The following HPSE variants were observed in gnomAD, a reference collection of about 807,000 sequenced individuals.
HPSE encodes the protein endo-glucoronidase.
In HPSE, 48 loss-of-function variants were observed where a neutral mutation model predicts 65.1. That is an observed-to-expected ratio of 0.74 (90% CI 0.58 to 0.94). The LOEUF (loss-of-function observed/expected upper bound fraction) is 0.94, where lower values mean the gene tolerates loss of function less well. Ranked by LOEUF, HPSE falls within the 40% of genes least tolerant of loss-of-function variation. The pLI, the probability that HPSE is intolerant of heterozygous loss-of-function variation, is 0.00. For synonymous variants in HPSE, 243 were observed against 260.0 expected (o/e 0.93, Z 0.63); for missense variants, 644 against 637.5 (o/e 1.01, Z -0.11).
chr4:83,307,375 T>C (rs953794161), intron 8 of HPSE, among the ~76,000 whole-genome samples: 1 of 152,158 alleles, frequency 6.6e-6, no homozygotes, highest in African/African-American at 2.4e-5. Context: ...TCATCAATTA[T>C]AAATAAGTCA....
At chr4:83,332,593 G>A (rs1339415876) in intron 1 of HPSE, among the ~76,000 whole-genome samples, 1 of 152,124 alleles carries the variant, frequency 6.6e-6, no homozygotes, top group Non-Finnish European at 1.5e-5. Context: ...AAGGTGCAGA[G>A]GAGGGGAAAA....
At chr4:83,321,987 CTTTTT>C (rs36002405) in intron 2 of HPSE, among the ~76,000 whole-genome samples, 2 of 92,558 alleles carry the variant, frequency 2.2e-5, no homozygotes, top group Non-Finnish European at 3.8e-5. Context: ...TCCAGGACGC[CTTTTT>C]TTTTTTTTTT....
At position 83,313,031 on chromosome 4, in the gene HPSE, A is replaced by G. The variant is rs1736472248; in HGVS notation, c.673+83T>C. On this transcript the variant is annotated intron_variant, in intron 4 of 11. Coordinates refer to ENST00000311412, the MANE Select transcript of HPSE (RefSeq NM_001098540.3). ...TGCGAGACTCTGTCTCAAAAAAAAA[A>G]AAAAAAAAAAGAAAAAGAAAAGAAA... 4 of 1,024,624 alleles carry G rather than the reference A, an allele frequency of 3.9e-6. No homozygotes were observed. In the East Asian group the frequency reaches 1.0e-4, roughly 26 times the overall value. The allele number at this position is 1,024,624 out of a possible 1,614,324, so 63.5% of individuals were successfully genotyped here. A position where few individuals can be genotyped will look rare whatever the true frequency, so the allele number is the denominator to read the frequency against.
chr4:83,299,677 G>T (rs193017993), intron 11 of HPSE, among the ~76,000 whole-genome samples: 96 of 151,930 alleles, frequency 6.3e-4, no homozygotes, highest in African/African-American at 2.1e-3. Context: ...GGGAGGAGAT[G>T]GTGAGAATTT....
chr4:83,306,100 G>T, intron 9 of HPSE, 103 bp downstream of exon 9: 4 of 635,606 alleles, frequency 6.3e-6, no homozygotes, highest in Admixed American at 2.6e-5. Flanking sequence ...TCATGATTTG[G>T]CTAGTTACTG....
rs974138638 is a variant in HPSE at position 83,294,432 on chromosome 4, C to T, written c.*912G>A. The T allele has an allele frequency of 2.6e-5, 4 of 152,288 alleles. No individual in the cohort carries two copies. The highest frequency in any genetic ancestry group is 9.6e-5 in the African/African-American group (4 of 41,554). The allele number at this position is 152,288 out of a possible 1,614,324, so 9.4% of individuals were successfully genotyped here. On this transcript the variant is annotated 3_prime_UTR_variant, in exon 12 of 12. Transcript: ENST00000311412. ...TGTCCCCACAGGTATTATAGTCTTT[C>T]GCTGACTAGCAACACTGCACAGAGG...
Position 83,308,403 on chromosome 4 carries a change from A to G in HPSE, c.1091+442T>C, listed in dbSNP as rs548619451. ...TCTGGGTGACAGAGGGGAAAAAAAA[A>G]GACAGTCTCACTCTGTTGCCCAGTC... On this transcript the variant is annotated intron_variant, in intron 8 of 11. Coordinates refer to ENST00000311412, the MANE Select transcript of HPSE (RefSeq NM_001098540.3). 6.6e-5 allele frequency among the ~76,000 whole-genome samples: 10 copies of G among 152,256 alleles called. No individual in the cohort carries two copies. In the South Asian group the frequency reaches 1.9e-3, roughly 28 times the overall value.
intron 2 of HPSE, among the ~76,000 whole-genome samples, chr4:83,320,640 G>A (rs1289334337): frequency 6.6e-6 from 1 of 152,156 alleles, no homozygotes; most frequent in African/African-American, 2.4e-5. Flanking sequence ...CAAGACAGCA[G>A]GGTTGCCGGG....
intron 9 of HPSE, among the ~76,000 whole-genome samples, chr4:83,305,566 A>G (rs551651059): frequency 6.6e-6 from 1 of 152,350 alleles, no homozygotes; most frequent in South Asian, 2.1e-4. Flanking sequence ...ATTTTAGACT[A>G]TAAAAATCAA....
intron 2 of HPSE, among the ~76,000 whole-genome samples, chr4:83,321,328 G>A (rs949664584): frequency 2.0e-5 from 3 of 152,052 alleles, no homozygotes; most frequent in Admixed American, 2.0e-4. Flanking sequence ...CTGATGAATT[G>A]TTCTAAATAC....
At chr4:83,306,989 T>C (rs1415580614) in intron 8 of HPSE, among the ~76,000 whole-genome samples, 1 of 151,806 alleles carries the variant, frequency 6.6e-6, no homozygotes, top group Non-Finnish European at 1.5e-5. Context: ...GCCCAACCAG[T>C]TCTGCCATCC....
intron 1 of HPSE, among the ~76,000 whole-genome samples, chr4:83,328,757 GAA>G (rs1737247358): frequency 6.6e-6 from 1 of 151,478 alleles, no homozygotes; most frequent in Non-Finnish European, 1.5e-5. Context: ...AAGGCTTGGG[GAA>G]AGGCTTGGGG....
intron 3 of HPSE, among the ~76,000 whole-genome samples, chr4:83,317,183 G>A (rs1736687728): frequency 6.6e-6 from 1 of 152,214 alleles, no homozygotes; most frequent in Non-Finnish European, 1.5e-5. Context: ...ACAGGTGTGA[G>A]CCACAGCACC....
At chr4:83,333,626 G>T (rs2126200152) in intron 1 of HPSE, among the ~76,000 whole-genome samples, 1 of 152,304 alleles carries the variant, frequency 6.6e-6, no homozygotes, top group South Asian at 2.1e-4. Flanking sequence ...GAGTCAGCCT[G>T]CATTCATGGG....
In HPSE at chr4:83,292,563, T is replaced by A. The variant is rs1442254087; in HGVS notation, c.*2781A>T. On this transcript the variant is annotated 3_prime_UTR_variant, in exon 12 of 12. Coordinates refer to ENST00000311412, the MANE Select transcript of HPSE (RefSeq NM_001098540.3). ...AGATCTAAAATTTAATTTTCAGCTT[T>A]AGCTCCTTACAAATATACTTAAATT... is the stretch of plus-strand genomic sequence containing the variant. The A allele has an allele frequency of 6.6e-6, 1 of 152,256 alleles. No individual in the cohort carries two copies. The highest frequency in any genetic ancestry group is 1.5e-5 in the Non-Finnish European group (1 of 68,040). The allele number at this position is 152,256 out of a possible 1,614,324, so 9.4% of individuals were successfully genotyped here. A position where few individuals can be genotyped will look rare whatever the true frequency, so the allele number is the denominator to read the frequency against.
chr4:83,319,601 A>C, intron 2 of HPSE, 132 bp from the exon 3 acceptor site: 1 of 882,906 alleles, frequency 1.1e-6, no homozygotes, highest in Non-Finnish European at 1.7e-6. Flanking sequence ...GTAGGAGAGC[A>C]GAGAAAAGGT....
chr4:83,306,387 T>C (rs572274211), intron 8 of HPSE, 70 bp from the exon 9 acceptor site: 120 of 748,946 alleles, frequency 1.6e-4, no homozygotes, highest in Non-Finnish European at 2.4e-4. Context: ...TTGCACACCA[T>C]CTTGATTTTA....
At chr4:83,333,755 C>G (rs906034137) in intron 1 of HPSE, among the ~76,000 whole-genome samples, 2 of 151,238 alleles carry the variant, frequency 1.3e-5, no homozygotes, top group African/African-American at 4.9e-5. Flanking sequence ...TTTATTAGGA[C>G]TTTGTAAGTC....
Position 83,301,126 on chromosome 4 carries a change from C to A in HPSE, c.1326-20G>T. 1 of 1,502,722 alleles carries A rather than the reference C, an allele frequency of 6.7e-7. No homozygotes were observed. The highest frequency in any genetic ancestry group is 1.2e-5 in the South Asian group (1 of 81,834). 93.1% of individuals were successfully genotyped at this position (1,502,722 alleles called of 1,614,324 possible). A position where few individuals can be genotyped will look rare whatever the true frequency, so the allele number is the denominator to read the frequency against. On this transcript the variant is annotated intron_variant, in intron 10 of 11. Transcript: ENST00000311412. ...CTTGGACTAAAAGCAAAGAGGTTAA[C>A]TTAATAGAAATATGTATCTAATTTA...
Sources: gnomAD v4.1 joint callset for allele counts (sites outside exome capture counted in the v4.1 genomes callset) on GRCh38, gnomAD v4.1.1 for gene constraint, MANE v1.5 for transcripts, NCBI Gene and HGNC (gene_info 2026-07-23, HGNC 2026-07-21) for gene names.